The following EPB41 variants were observed in gnomAD, a reference collection of about 807,000 sequenced individuals.
EPB41 encodes erythrocyte membrane protein band 4.1.
A neutral mutation model predicts 108.0 loss-of-function variants in EPB41; 65 were observed. The observed-to-expected ratio is 0.60, with a 90% CI of 0.49 to 0.74. The LOEUF (loss-of-function observed/expected upper bound fraction) is 0.74. Ranked by LOEUF, EPB41 falls within the 30% of genes least tolerant of loss-of-function variation. EPB41 has a pLI of 0.00. For synonymous variants in EPB41, 336 were observed against 358.9 expected (o/e 0.94, Z 0.72); for missense variants, 875 against 1,037.0 (o/e 0.84, Z 2.15).
intron 16 of EPB41, chr1:29,073,126 A>AC (rs1652295094): frequency 6.6e-6 from 1 of 152,300 alleles, no homozygotes; most frequent in African/African-American, 2.4e-5. Flanking sequence ...AAAAAAAAAA[A>AC]AAAAAAGTGT....
At chr1:29,052,989 A>G (rs989127312) in intron 11 of EPB41, 115 bp from the exon 12 acceptor site, 1 of 1,137,740 alleles carries the variant, frequency 8.8e-7, no homozygotes, top group South Asian at 1.3e-5. Context: ...ATAGCCCACT[A>G]CACACTCTAA....
chr1:28,967,794 C>G (rs960632513), intron 1 of EPB41, among the ~76,000 whole-genome samples: 14 of 140,860 alleles, frequency 9.9e-5, no homozygotes, highest in Non-Finnish European at 2.2e-4. Flanking sequence ...AAGCTCCATT[C>G]TTTAATGGGC....
At chr1:29,070,633 C>T in intron 16 of EPB41, 1 of 1,232,030 alleles carries the variant, frequency 8.1e-7, no homozygotes, top group Non-Finnish European at 1.0e-6. Context: ...ACAGGGTGCT[C>T]ATCTGAAATG....
At chr1:28,922,623 A>G (rs2093176040) in intron 1 of EPB41, among the ~76,000 whole-genome samples, 3 of 106,614 alleles carry the variant, frequency 2.8e-5, no homozygotes, top group Admixed American at 1.2e-4. Context: ...TCTTAGAGAC[A>G]GGATTTTTTT....
intron 7 of EPB41, among the ~76,000 whole-genome samples, chr1:29,028,560 T>C (rs1418674519): frequency 6.6e-6 from 1 of 152,216 alleles, no homozygotes; most frequent in Non-Finnish European, 1.5e-5. Flanking sequence ...AGACACTGGC[T>C]GGCCACTTAC....
At chr1:28,953,527 A>G (rs1212462142) in intron 1 of EPB41, among the ~76,000 whole-genome samples, 3 of 152,160 alleles carry the variant, frequency 2.0e-5, no homozygotes, top group African/African-American at 7.2e-5. Flanking sequence ...TTAAAAAGGA[A>G]GCCTGGATTA....
intron 1 of EPB41, among the ~76,000 whole-genome samples, chr1:28,974,607 T>G (rs2095560243): frequency 6.6e-6 from 1 of 152,056 alleles, no homozygotes; most frequent in Non-Finnish European, 1.5e-5. Flanking sequence ...TGGATTTGAT[T>G]AGGAAGGGAA....
chr1:28,963,344 C>CATGT (rs2095271857), intron 1 of EPB41, among the ~76,000 whole-genome samples: 1 of 146,210 alleles, frequency 6.8e-6, no homozygotes, highest in Non-Finnish European at 1.5e-5. Context: ...AAATCAGAAT[C>CATGT]GTGTGTGTGT....
At chr1:29,059,574 A>G (rs1181292920) in intron 14 of EPB41, among the ~76,000 whole-genome samples, 1 of 151,926 alleles carries the variant, frequency 6.6e-6, no homozygotes, top group Non-Finnish European at 1.5e-5. Context: ...CCAGGAGTTC[A>G]AGACCAGCCT....
At chr1:28,983,484 T>C (rs2095803343) in intron 1 of EPB41, among the ~76,000 whole-genome samples, 2 of 152,148 alleles carry the variant, frequency 1.3e-5, no homozygotes, top group Non-Finnish European at 2.9e-5. Flanking sequence ...CAGGCCCCTT[T>C]CCAGACCTAT....
chr1:29,085,978 C>T (rs1383762719), intron 16 of EPB41, among the ~76,000 whole-genome samples: 1 of 152,008 alleles, frequency 6.6e-6, no homozygotes, highest in Non-Finnish European at 1.5e-5. Flanking sequence ...CTACTTTTTT[C>T]TTTTAGAAGC....
At chr1:29,034,973 GTTTT>G (rs10580931) in intron 9 of EPB41, among the ~76,000 whole-genome samples, 5 of 87,188 alleles carry the variant, frequency 5.7e-5, no homozygotes, top group African/African-American at 2.0e-4. Flanking sequence ...TTTGTTTGTT[GTTTT>G]TTTTTTTTTT....
intron 16 of EPB41, among the ~76,000 whole-genome samples, chr1:29,093,297 T>C (rs1661978248): frequency 6.6e-6 from 1 of 152,268 alleles, no homozygotes; most frequent in African/African-American, 2.4e-5. Context: ...ATTTCTCTAA[T>C]GATCAGTGAT....
At chr1:28,900,128 A>G (rs1393534720) in intron 1 of EPB41, among the ~76,000 whole-genome samples, 1 of 152,178 alleles carries the variant, frequency 6.6e-6, no homozygotes, top group African/African-American at 2.4e-5. Context: ...GAGCTCATTG[A>G]GAAGGAAGGA....
intron 1 of EPB41, among the ~76,000 whole-genome samples, chr1:28,961,654 G>A (rs1571454894): frequency 6.6e-6 from 1 of 152,166 alleles, no homozygotes; most frequent in South Asian, 2.1e-4. Context: ...CATGTGTGTG[G>A]GAATATGTAA....
chr1:29,060,367 GAAC>G, intron 14 of EPB41, 52 bp from the exon 15 acceptor site: 7 of 1,573,710 alleles, frequency 4.4e-6, no homozygotes, highest in Non-Finnish European at 6.1e-6. Flanking sequence ...TTTCCCGCAA[GAAC>G]AACATTTTAA....
At chr1:28,904,229 T>C (rs1318842437) in intron 1 of EPB41, among the ~76,000 whole-genome samples, 1 of 150,670 alleles carries the variant, frequency 6.6e-6, no homozygotes, top group Non-Finnish European at 1.5e-5. Flanking sequence ...ATCATAATGA[T>C]GGCTGTTATT....
chr1:28,980,702 A>G (rs1356811782), intron 1 of EPB41, among the ~76,000 whole-genome samples: 1 of 152,070 alleles, frequency 6.6e-6, no homozygotes, highest in Non-Finnish European at 1.5e-5. Context: ...GGGTGGAGTC[A>G]GAACCTGTCT....
At chr1:29,051,132 T>C (rs547443913) in intron 11 of EPB41, among the ~76,000 whole-genome samples, 22 of 136,980 alleles carry the variant, frequency 1.6e-4, no homozygotes, top group South Asian at 1.3e-3. Flanking sequence ...ACAGTCTGGC[T>C]CTGTTGCCCA....
Sources: allele counts gnomAD v4.1 joint callset (sites outside exome capture counted in the v4.1 genomes callset), GRCh38; gene constraint gnomAD v4.1.1; transcripts MANE v1.5; gene names NCBI Gene and HGNC (gene_info 2026-07-23, HGNC 2026-07-21).